The following SYK variants were observed in gnomAD, a reference collection of about 807,000 sequenced individuals.
SYK encodes the protein spleen associated tyrosine kinase, also known as tyrosine-protein kinase SYK.
SYK carries 16 observed loss-of-function variants against 77.8 expected under a neutral mutation model. The observed-to-expected ratio is 0.21, with a 90% confidence interval of 0.14 to 0.31. The LOEUF (loss-of-function observed/expected upper bound fraction) is 0.31, where lower values mean the gene tolerates loss of function less well. Ranked by LOEUF, SYK falls within the 10% of genes least tolerant of loss-of-function variation. The probability of loss-of-function intolerance (pLI) is 1.00; values close to 1 mark genes in which losing one functional copy is unlikely to be tolerated. For missense variants in SYK, 529 were observed against 814.4 expected (o/e 0.65, Z 4.26); for synonymous variants, 312 against 308.7 (o/e 1.01, Z -0.11).
intron 1 of SYK, 119 bp downstream of exon 1, chr9:90,802,012 G>A (rs1347038933): frequency 6.6e-6 from 1 of 152,274 alleles, no homozygotes; most frequent in Non-Finnish European, 1.5e-5. Flanking sequence ...CGAGGTAAAA[G>A]TGCTGAAACC....
intron 6 of SYK, 61 bp downstream of exon 6, chr9:90,865,158 C>T (rs1307066856): frequency 6.6e-7 from 1 of 1,512,842 alleles, no homozygotes; most frequent in African/African-American, 1.4e-5. Flanking sequence ...AAATGAAAAG[C>T]ATGTTTTAGC....
Position 90,896,876 on chromosome 9 carries a change from A to C in SYK, c.*1276A>C, listed in dbSNP as rs1168315539. The stretch of plus-strand genomic sequence containing the variant: ...ACCCCATCTCTACTAAAAATACAAA[A>C]ATTAGCCGGGCATGGTGGCATGTGT... On this transcript the variant is annotated 3_prime_UTR_variant, in exon 14 of 14. Transcript: ENST00000375754. 5.0e-6 allele frequency: 1 copy of C among 198,154 alleles called. No individual in the cohort carries two copies. Among genetic ancestry groups the C allele is most frequent in the Non-Finnish European group, 1.0e-5 (1 of 95,740 alleles). The allele number at this position is 198,154 out of a possible 1,614,324, so 12.3% of individuals were successfully genotyped here. A position where few individuals can be genotyped will look rare whatever the true frequency, so the allele number is the denominator to read the frequency against.
At chr9:90,866,860 G>A (rs1167681118) in intron 6 of SYK, among the ~76,000 whole-genome samples, 2 of 152,170 alleles carry the variant, frequency 1.3e-5, no homozygotes, top group Non-Finnish European at 2.9e-5. Flanking sequence ...TCCACGTGAA[G>A]CATGAGCTAG....
chr9:90,807,057 G>T (rs1185771002), intron 1 of SYK, among the ~76,000 whole-genome samples: 1 of 152,246 alleles, frequency 6.6e-6, no homozygotes, highest in East Asian at 1.9e-4. Flanking sequence ...ATGAAATAAA[G>T]TGCAGCAAGC....
Position 90,874,832 on chromosome 9 carries a change from C to G in SYK, c.1164C>G (p.Gly388=). The part of the protein sequence containing the change: ...GSGNFGTVKK[G]YYQMKKVVKT... The stretch of plus-strand genomic sequence containing the variant: ...GTAATTTTGGAACTGTGAAAAAGGG[C>G]TACTACCAAATGAAAAAGTAAGTTG... The change falls in exon 9 of 14, where the codon GGC becomes GGG. Residue 388 remains glycine (G), a synonymous_variant. Transcript: ENST00000375754. 6.2e-7 allele frequency: 1 copy of G among 1,614,052 alleles called. No homozygotes were observed. The highest frequency in any genetic ancestry group is 1.6e-4 in the Middle Eastern group (1 of 6,062).
At chr9:90,881,334 A>G (rs1201340305) in intron 11 of SYK, among the ~76,000 whole-genome samples, 1 of 152,218 alleles carries the variant, frequency 6.6e-6, no homozygotes, top group Non-Finnish European at 1.5e-5. Flanking sequence ...TACCGAAAAG[A>G]TAGGGTAGTG....
In SYK at chr9:90,877,644, G is replaced by A. The variant is rs1352135646; in HGVS notation, c.1255G>A (p.Ala419Thr). 5.0e-6 allele frequency: 8 copies of A among 1,614,264 alleles called. No individual in the cohort carries two copies. The Admixed American group carries it at 1.3e-4, about 27-fold the overall frequency. The change falls in exon 10 of 14, where the codon GCA becomes ACA. Residue 419 changes from alanine (A) to threonine (T), a missense_variant. Physicochemically the swap from Ala to Thr is moderately conservative, Grantham distance 58. Coordinates refer to ENST00000375754, the MANE Select transcript of SYK (RefSeq NM_003177.7). ...NDPALKDELL[A>T]EANVMQQLDN... ...CCCCGCTCTTAAAGATGAGTTATTAGCAGAAGCAAATGTCATGCAGCAGCT... is the reference window on the plus strand; with the variant it reads ...CCCCGCTCTTAAAGATGAGTTATTAACAGAAGCAAATGTCATGCAGCAGCT...
chr9:90,836,148 G>A lies in SYK; in HGVS notation c.-41-7710G>A, dbSNP rs910170383. 6.6e-5 allele frequency among the ~76,000 whole-genome samples: 10 copies of A among 152,188 alleles called. No individual in the cohort carries two copies. In the East Asian group the frequency reaches 9.7e-4, roughly 15 times the overall value. On this transcript the variant is annotated intron_variant, in intron 1 of 13. Transcript: ENST00000375754. ...CTAAACATACAAAAGTTAGCCAGGC[G>A]TGGTGGTGGGCACCTGTAATCCCAG... is the stretch of plus-strand genomic sequence containing the variant.
rs1376063120 is a variant in SYK, at chr9:90,887,819, G to A, written c.1652G>A (p.Ser551Asn). 1 of 1,613,622 alleles carries A rather than the reference G, an allele frequency of 6.2e-7. No homozygotes were observed. The highest frequency in any genetic ancestry group is 1.1e-5 in the South Asian group (1 of 90,972). The stretch of plus-strand genomic sequence containing the variant: ...TGCATCAACTACTACAAGTTCTCCA[G>A]CAAAAGCGATGTCTGGAGCTTTGGA... ...PECINYYKFSSKSDVWSFGVL... is the reference protein window; with the variant it reads ...PECINYYKFSNKSDVWSFGVL... Residue 551 changes from serine to asparagine, a missense_variant, in exon 12 of 14, where the codon AGC becomes AAC. Coordinates refer to ENST00000375754, the MANE Select transcript of SYK (RefSeq NM_003177.7).
At chr9:90,807,855 G>A (rs758046348) in intron 1 of SYK, among the ~76,000 whole-genome samples, 72 of 152,316 alleles carry the variant, frequency 4.7e-4, no homozygotes, top group Middle Eastern at 3.4e-3. Flanking sequence ...GGGAGCAGTT[G>A]GAGCTCTAAC....
At chr9:90,883,251 G>C (rs909901686) in intron 11 of SYK, among the ~76,000 whole-genome samples, 8 of 152,030 alleles carry the variant, frequency 5.3e-5, no homozygotes, top group African/African-American at 1.9e-4. Flanking sequence ...ACCCCCTATA[G>C]CTGCCTGCCT....
chr9:90,865,962 G>T lies in SYK; in HGVS notation c.846+865G>T, dbSNP rs898512159. On this transcript the variant is annotated intron_variant, in intron 6 of 13. Coordinates refer to ENST00000375754, the MANE Select transcript of SYK (RefSeq NM_003177.7). ...TGCCCAGGCTGGAGTGCAGTGGCGCGATCTCAGCTCACTGCAAGCTCTGCC... is the reference window on the plus strand; with the variant it reads ...TGCCCAGGCTGGAGTGCAGTGGCGCTATCTCAGCTCACTGCAAGCTCTGCC... Among the ~76,000 whole-genome samples, 9 of 138,074 alleles carry T rather than the reference G, an allele frequency of 6.5e-5. No individual in the cohort carries two copies. The East Asian group carries it at 2.1e-3, about 32-fold the overall frequency. 90.6% of individuals were successfully genotyped at this position (138,074 alleles called of 152,430 possible).
chr9:90,827,345 T>A (rs1274476446), intron 1 of SYK: 1 of 152,202 alleles, frequency 6.6e-6, no homozygotes, highest in Non-Finnish European at 1.5e-5. Flanking sequence ...ACTTCTGCTT[T>A]CTGGTTTGTT....
intron 3 of SYK, among the ~76,000 whole-genome samples, chr9:90,850,530 T>TA (rs1051972541): frequency 5.9e-5 from 9 of 151,314 alleles, no homozygotes; most frequent in South Asian, 2.1e-4. Flanking sequence ...AATATATATA[T>TA]TATTATTATT....
chr9:90,833,962 C>T (rs942379594), intron 1 of SYK, among the ~76,000 whole-genome samples: 1 of 152,152 alleles, frequency 6.6e-6, no homozygotes, highest in African/African-American at 2.4e-5. Context: ...GGGTGGCTGG[C>T]AGGGCTTCTT....
chr9:90,816,981 A>C (rs907541385), intron 1 of SYK, among the ~76,000 whole-genome samples: 1 of 152,256 alleles, frequency 6.6e-6, no homozygotes, highest in African/African-American at 2.4e-5. Flanking sequence ...GGCTATTGCG[A>C]ATAGTGCTGC....
intron 1 of SYK, among the ~76,000 whole-genome samples, chr9:90,802,941 TTG>T (rs1260316897): frequency 2.0e-5 from 3 of 152,164 alleles, no homozygotes; most frequent in African/African-American, 7.2e-5. Flanking sequence ...TCTGACTTCT[TTG>T]TCTTAGTAGG....
intron 1 of SYK, among the ~76,000 whole-genome samples, chr9:90,835,919 C>G (rs1826063473): frequency 6.6e-6 from 1 of 151,944 alleles, no homozygotes; most frequent in Admixed American, 6.5e-5. Context: ...TTTTTTTCAA[C>G]AAAAATATTG....
intron 1 of SYK, among the ~76,000 whole-genome samples, chr9:90,830,324 C>CA (rs1274401312): frequency 6.6e-6 from 1 of 152,264 alleles, no homozygotes; most frequent in Admixed American, 6.5e-5. Context: ...TCAGGCCCTG[C>CA]AGCTGGGGTT....
Sources: allele counts gnomAD v4.1 joint callset (sites outside exome capture counted in the v4.1 genomes callset), GRCh38; gene constraint gnomAD v4.1.1; transcripts MANE v1.5; gene names NCBI Gene and HGNC (gene_info 2026-07-23, HGNC 2026-07-21).